The following CABIN1 variants were observed in gnomAD, a reference collection of about 807,000 sequenced individuals.
The protein encoded by CABIN1 is calcineurin-binding protein cabin-1.
CABIN1 carries 133 observed loss-of-function variants against 227.7 expected under a neutral mutation model. The ratio of observed to expected loss-of-function variants is 0.58; its 90% CI spans 0.51 to 0.67. The LOEUF (loss-of-function observed/expected upper bound fraction) is 0.67, where lower values mean the gene tolerates loss of function less well. CABIN1 is among the 30% of genes least tolerant of loss of function. CABIN1 has a pLI of 0.00. For missense variants in CABIN1, 2,408 were observed against 2,852.5 expected, an observed-to-expected ratio of 0.84 and a Z score of 3.55; for synonymous variants, 1,086 against 1,155.1, an observed-to-expected ratio of 0.94 and a Z score of 1.21.
At chr22:24,066,947 A>AG (rs1368648528) in intron 15 of CABIN1, 40 bp from the exon 16 acceptor site, 1 of 1,601,386 alleles carries the variant, frequency 6.2e-7, no homozygotes, top group South Asian at 1.1e-5. Context: ...GCAGGGGCTG[A>AG]GGGGTTTACC....
intron 29 of CABIN1, chr22:24,161,920 A>G (rs1267893072): frequency 6.6e-6 from 1 of 152,252 alleles, no homozygotes; most frequent in Non-Finnish European, 1.5e-5. Flanking sequence ...TAGGAGCTTC[A>G]TAGCCCTCCA....
Position 24,091,590 on chromosome 22 carries a change from G to A in CABIN1, c.3533G>A (p.Gly1178Asp). 6.2e-7 allele frequency: 1 copy of A among 1,614,162 alleles called. No homozygotes were observed. Among genetic ancestry groups the A allele is most frequent in the Non-Finnish European group, 8.5e-7 (1 of 1,180,028 alleles). ...CTCATGATCTTCTTACAGATGGAGG[G>A]CCGGCGCGACAGCATGCTAGAGACA... Reference protein sequence around the residue: ...LPPELVQQMEGRRDSMLETAK... With the variant: ...LPPELVQQMEDRRDSMLETAK... The change falls in exon 24 of 37, where the codon GGC becomes GAC. Residue 1178 changes from glycine (G) to aspartate (D), a missense_variant. By Grantham distance (94) the Gly-to-Asp change is moderately conservative. Coordinates refer to ENST00000263119, the MANE Select transcript of CABIN1 (RefSeq NM_012295.4).
chr22:24,062,076 A>C, intron 13 of CABIN1, 51 bp downstream of exon 13: 1 of 1,446,158 alleles, frequency 6.9e-7, no homozygotes, highest in Non-Finnish European at 9.7e-7. Flanking sequence ...AACCCCCAGC[A>C]GCTGGGAGAA....
At chr22:24,131,801 C>G (rs1417940138) in intron 28 of CABIN1, among the ~76,000 whole-genome samples, 1 of 152,128 alleles carries the variant, frequency 6.6e-6, no homozygotes, top group Non-Finnish European at 1.5e-5. Flanking sequence ...CACGGTGGCT[C>G]GCGCCTGTAA....
chr22:24,138,664 C>G (rs924209196), intron 29 of CABIN1, among the ~76,000 whole-genome samples: 1 of 152,192 alleles, frequency 6.6e-6, no homozygotes, highest in African/African-American at 2.4e-5. Context: ...AGGCTCTATC[C>G]TCCTGTAATT....
At chr22:24,151,445 A>C (rs1050751771) in intron 29 of CABIN1, among the ~76,000 whole-genome samples, 1 of 152,172 alleles carries the variant, frequency 6.6e-6, no homozygotes, top group Non-Finnish European at 1.5e-5. Flanking sequence ...AGGGGTCAGA[A>C]GATGGATCGA....
At chr22:24,080,032 TA>T (rs2146965283) in intron 19 of CABIN1, among the ~76,000 whole-genome samples, 1 of 152,344 alleles carries the variant, frequency 6.6e-6, no homozygotes, top group South Asian at 2.1e-4. Flanking sequence ...CTCACAAAAT[TA>T]TGTAAAGATC....
At chr22:24,013,599 T>G (rs1318425950) in intron 1 of CABIN1, among the ~76,000 whole-genome samples, 1 of 152,234 alleles carries the variant, frequency 6.6e-6, no homozygotes, top group Non-Finnish European at 1.5e-5. Context: ...TGTTAACATC[T>G]TACATAATCA....
chr22:24,098,376 A>G, intron 26 of CABIN1, 184 bp downstream of exon 26: 2 of 1,336,900 alleles, frequency 1.5e-6, no homozygotes, highest in Non-Finnish European at 1.0e-6. Flanking sequence ...CTTCCGAGAC[A>G]TGCTCAGGGT....
intron 30 of CABIN1, 24 bp from the exon 31 acceptor site, chr22:24,165,506 C>G: frequency 2.5e-6 from 4 of 1,605,478 alleles, no homozygotes; most frequent in Non-Finnish European, 3.4e-6. Flanking sequence ...CCTGTCCTCT[C>G]TGACTACCCC....
intron 17 of CABIN1, among the ~76,000 whole-genome samples, 158 bp from the exon 18 acceptor site, chr22:24,072,196 T>C (rs542691588): frequency 1.3e-5 from 2 of 152,130 alleles, no homozygotes; most frequent in Admixed American, 1.3e-4. Context: ...TCCGATGACA[T>C]GCTGAGGATC....
chr22:24,041,266 A>G lies in CABIN1; in HGVS notation c.338A>G (p.Tyr113Cys), dbSNP rs1023266567. 2 of 1,614,152 alleles carry G rather than the reference A, an allele frequency of 1.2e-6. No individual in the cohort carries two copies. The highest frequency in any genetic ancestry group is 1.7e-6 in the Non-Finnish European group (2 of 1,180,022). Residue 113 changes from tyrosine to cysteine, a missense_variant, in exon 5 of 37, where the codon TAC becomes TGC. Coordinates refer to ENST00000263119, the MANE Select transcript of CABIN1 (RefSeq NM_012295.4). ...GATCTGGAGACAGCCATGGAGTTCT[A>G]CTTAGAGGTGTGGTTTTGGCAGTGC... ...REDLETAMEF[Y>C]LEAVMLDSTD... is the part of the protein sequence containing the mutation.
chr22:24,136,490 C>T (rs560014672), intron 29 of CABIN1, among the ~76,000 whole-genome samples: 189 of 148,034 alleles, frequency 1.3e-3, no homozygotes, highest in African/African-American at 3.5e-3. Context: ...GCTGGGACTA[C>T]GGGTCCACAC....
At chr22:24,055,726 G>A (rs1263177129) in intron 9 of CABIN1, among the ~76,000 whole-genome samples, 1 of 152,210 alleles carries the variant, frequency 6.6e-6, no homozygotes, top group Non-Finnish European at 1.5e-5. Flanking sequence ...GAATAAACAT[G>A]TACATGGTTG....
At chr22:24,085,223 C>T in intron 22 of CABIN1, 72 bp downstream of exon 22, 1 of 1,527,298 alleles carries the variant, frequency 6.5e-7, no homozygotes, top group Non-Finnish European at 9.0e-7. Context: ...GCAAGCTCTT[C>T]AGTGGGCCAC....
Position 24,098,072 on chromosome 22 carries a change from C to G in CABIN1, c.3997C>G (p.Pro1333Ala). The stretch of plus-strand genomic sequence containing the variant: ...CTCTTCAGCTGGGACACTGCCGGGC[C>G]CCGGAGCCTCCCTCCCCTCCTCCTC... Reference protein sequence around the residue: ...SHSSAGTLPGPGASLPSSSGP... With the variant: ...SHSSAGTLPGAGASLPSSSGP... Residue 1333 changes from proline (P) to alanine (A), a missense_variant, in exon 26 of 37, where the codon CCC (proline) becomes GCC (alanine). This residue lies in a region of CABIN1 where 649 missense variants were observed against 910.3 expected (regional missense o/e 0.71). Coordinates refer to ENST00000263119, the MANE Select transcript of CABIN1 (RefSeq NM_012295.4). 6.2e-7 allele frequency: 1 copy of G among 1,614,146 alleles called. No homozygotes were observed. Among genetic ancestry groups the G allele is most frequent in the South Asian group, 1.1e-5 (1 of 91,074 alleles).
intron 13 of CABIN1, among the ~76,000 whole-genome samples, chr22:24,062,629 G>T (rs1244210635): frequency 2.0e-5 from 3 of 152,106 alleles, no homozygotes; most frequent in Non-Finnish European, 2.9e-5. Context: ...AAAGTGCTGG[G>T]ATTACAGGCA....
intron 14 of CABIN1, 128 bp downstream of exon 14, chr22:24,063,274 G>A (rs1400219989): frequency 1.5e-5 from 14 of 945,498 alleles, no homozygotes; most frequent in Non-Finnish European, 1.0e-5. Context: ...ATGTGTACAT[G>A]CATAGCACCT....
chr22:24,040,973 G>A (rs2037322583), intron 4 of CABIN1, among the ~76,000 whole-genome samples, 166 bp from the exon 5 acceptor site: 1 of 152,134 alleles, frequency 6.6e-6, no homozygotes, highest in Non-Finnish European at 1.5e-5. Flanking sequence ...GAGTAGGAGT[G>A]GTCTTATAAG....
Sources: gnomAD v4.1 joint callset for allele counts (sites outside exome capture counted in the v4.1 genomes callset) on GRCh38, gnomAD v4.1.1 for gene constraint, gnomAD v4.1.1 regional missense constraint, MANE v1.5 for transcripts, NCBI Gene and HGNC (gene_info 2026-07-23, HGNC 2026-07-21) for gene names.